Variants in SRGAP3 observed in about 807,000 individuals in gnomAD.
SRGAP3 encodes the protein SLIT-ROBO Rho GTPase-activating protein 3.
SRGAP3 carries 39 observed loss-of-function variants against 121.1 expected under a neutral mutation model. That is an observed-to-expected ratio of 0.32 (90% CI 0.25 to 0.42). The LOEUF is 0.42. Ranked by LOEUF, SRGAP3 falls within the 10% of genes least tolerant of loss-of-function variation. SRGAP3 has a pLI of 1.00. For synonymous variants in SRGAP3, 601 were observed against 570.0 expected (o/e 1.05, Z -0.77); for missense variants, 1,213 against 1,470.6 (o/e 0.82, Z 2.86).
chr3:9,027,647 C>T (rs901386396), intron 12 of SRGAP3, among the ~76,000 whole-genome samples: 3 of 152,212 alleles, frequency 2.0e-5, no homozygotes, highest in Non-Finnish European at 4.4e-5. Flanking sequence ...GAAAAAGATG[C>T]AATTCTCAAC....
intron 12 of SRGAP3, among the ~76,000 whole-genome samples, chr3:9,029,780 AGG>A (rs372379819): frequency 2.4e-4 from 37 of 152,336 alleles, no homozygotes; most frequent in African/African-American, 8.7e-4. Context: ...AGCTCATAGT[AGG>A]TGCACAGTAT....
At chr3:9,135,581 C>A (rs1392303165) in intron 1 of SRGAP3, among the ~76,000 whole-genome samples, 3 of 152,230 alleles carry the variant, frequency 2.0e-5, no homozygotes, top group Non-Finnish European at 2.9e-5. Context: ...GCCGGATCTG[C>A]ACTGTGAAGC....
Position 9,324,767 on chromosome 3 carries a change from C to T in SRGAP3, n.442+1243G>A, listed in dbSNP as rs139545610. Among the ~76,000 whole-genome samples, 427 of 151,850 alleles carry T rather than the reference C, an allele frequency of 2.8e-3. 3 individuals are homozygous for T. Among genetic ancestry groups the T allele is most frequent in the African/African-American group, 9.8e-3 (405 of 41,528 alleles). On this transcript the variant is annotated intron_variant and non_coding_transcript_variant, in intron 3 of 3. Coordinates refer to the SRGAP3 transcript ENST00000490889. ...GGTCAGGAGATCGAGACCATCCTGG[C>T]TAACACGGTGAAACTCCGTGTCTAC... is the stretch of plus-strand genomic sequence containing the variant.
intron 2 of SRGAP3, among the ~76,000 whole-genome samples, chr3:9,116,113 A>G (rs1410432746): frequency 6.6e-6 from 1 of 152,136 alleles, no homozygotes; most frequent in Non-Finnish European, 1.5e-5. Context: ...CCGAAATGAC[A>G]CCCTTAAAAT....
chr3:9,188,400 T>C (rs1481506069), intron 1 of SRGAP3, among the ~76,000 whole-genome samples: 1 of 152,210 alleles, frequency 6.6e-6, no homozygotes, highest in Non-Finnish European at 1.5e-5. Flanking sequence ...GTTGTAGACC[T>C]AGAGAGAAGG....
intron 4 of SRGAP3, among the ~76,000 whole-genome samples, chr3:9,075,014 CTAGT>C (rs1946894839): frequency 6.6e-6 from 1 of 152,210 alleles, no homozygotes; most frequent in Admixed American, 6.5e-5. Context: ...TGGACGTTCA[CTAGT>C]TACTGACACA....
chr3:9,053,290 C>T (rs190311975), intron 8 of SRGAP3, 66 bp from the exon 9 acceptor site: 4 of 1,493,460 alleles, frequency 2.7e-6, no homozygotes, highest in Non-Finnish European at 3.7e-6. Context: ...CCTAAAGTCC[C>T]TTTCCCAGCT....
chr3:9,034,256 T>A (rs1421011431), intron 11 of SRGAP3: 2 of 152,238 alleles, frequency 1.3e-5, no homozygotes, highest in Admixed American at 6.5e-5. Flanking sequence ...AGGCAGTTCA[T>A]TTTCAAATGG....
At chr3:9,283,117 T>C (rs1954709768) in intron 3 of SRGAP3, among the ~76,000 whole-genome samples, 1 of 152,040 alleles carries the variant, frequency 6.6e-6, no homozygotes, top group African/African-American at 2.4e-5. Context: ...GTTTTTTCTA[T>C]TGTTGTAGAG....
Position 9,064,712 on chromosome 3 carries a change from C to A in SRGAP3, c.487-131G>T, listed in dbSNP as rs1946341605. 7.1e-6 allele frequency: 7 copies of A among 980,478 alleles called. No homozygotes were observed. In the Admixed American group the frequency reaches 1.6e-4, roughly 23 times the overall value. The allele number at this position is 980,478 out of a possible 1,614,324, so 60.7% of individuals were successfully genotyped here. On this transcript the variant is annotated intron_variant, in intron 4 of 21. Coordinates refer to ENST00000383836, the MANE Select transcript of SRGAP3 (RefSeq NM_014850.4). ...CCCTGGTCCCAAAACACACTCTGGGCACCTGCCTTCCTTTACTTTTGCACA... is the reference window on the plus strand; with the variant it reads ...CCCTGGTCCCAAAACACACTCTGGGAACCTGCCTTCCTTTACTTTTGCACA...
chr3:9,254,178 C>T (rs549734675), upstream of SRGAP3, among the ~76,000 whole-genome samples: 1 of 152,186 alleles, frequency 6.6e-6, no homozygotes, highest in Non-Finnish European at 1.5e-5. Flanking sequence ...TTCACAACAA[C>T]CAAAAGATAG....
At chr3:9,351,301 T>C (rs1018667314) in intron 1 of SRGAP3, among the ~76,000 whole-genome samples, 2 of 152,200 alleles carry the variant, frequency 1.3e-5, no homozygotes, top group African/African-American at 4.8e-5. Context: ...GTGCCAGAAA[T>C]TTTACCTTAT....
chr3:9,117,403 C>T (rs754049026), intron 2 of SRGAP3, among the ~76,000 whole-genome samples: 1 of 152,204 alleles, frequency 6.6e-6, no homozygotes, highest in Non-Finnish European at 1.5e-5. Context: ...TCACAGGAAT[C>T]CTCTCTCCCA....
intron 2 of SRGAP3, among the ~76,000 whole-genome samples, chr3:9,326,879 A>T (rs1036316580): frequency 6.6e-6 from 1 of 151,838 alleles, no homozygotes; most frequent in Non-Finnish European, 1.5e-5. Context: ...TTTCTAAAGG[A>T]AGAAACATTA....
chr3:9,267,612 A>G lies in SRGAP3; in HGVS notation n.442+58398T>C, dbSNP rs1954391431. Among the ~76,000 whole-genome samples, 3 of 152,180 alleles carry G rather than the reference A, an allele frequency of 2.0e-5. No individual in the cohort carries two copies. The South Asian group carries it at 6.2e-4, about 32-fold the overall frequency. ...AGTCCTGTTTTTATCATGAAGGGAC[A>G]ATAAATGCGACCATTGTATTTCCCA... On this transcript the variant is annotated intron_variant and non_coding_transcript_variant, in intron 3 of 3. Transcript: ENST00000490889.
chr3:9,116,182 C>G (rs1427686061), intron 2 of SRGAP3, among the ~76,000 whole-genome samples: 1 of 152,204 alleles, frequency 6.6e-6, no homozygotes, highest in Admixed American at 6.5e-5. Flanking sequence ...CCCAGGCAGC[C>G]CTTTCACTGA....
intron 6 of SRGAP3, 122 bp downstream of exon 6, chr3:9,060,109 A>T: frequency 6.6e-7 from 1 of 1,513,296 alleles, no homozygotes; most frequent in Non-Finnish European, 9.1e-7. Context: ...AGCAGGGCTC[A>T]AAAGAGCTGT....
At position 8,984,362 on chromosome 3, in the gene SRGAP3, T is replaced by A. The variant is rs1471667097; in HGVS notation, c.*1157A>T. On this transcript the variant is annotated 3_prime_UTR_variant, in exon 22 of 22. Coordinates refer to ENST00000383836, the MANE Select transcript of SRGAP3 (RefSeq NM_014850.4). Reference sequence around the variant, plus strand: ...CAGTGCATCACAGCCTGATTTAAAATGAAAACGATGTGACTCAAAGCCTCC... The same window carrying A: ...CAGTGCATCACAGCCTGATTTAAAAAGAAAACGATGTGACTCAAAGCCTCC... 1 of 230,646 alleles carries A rather than the reference T, an allele frequency of 4.3e-6. No homozygotes were observed. The highest frequency in any genetic ancestry group is 8.6e-6 in the Non-Finnish European group (1 of 116,496). The allele number at this position is 230,646 out of a possible 1,614,324, so 14.3% of individuals were successfully genotyped here.
chr3:9,015,560 G>A (rs1943597118), intron 15 of SRGAP3, 37 bp downstream of exon 15: 1 of 1,612,550 alleles, frequency 6.2e-7, no homozygotes, highest in East Asian at 2.2e-5. Context: ...ACAATGATTT[G>A]TCAAAAAACT....
Sources: allele counts gnomAD v4.1 joint callset (sites outside exome capture counted in the v4.1 genomes callset), GRCh38; gene constraint gnomAD v4.1.1; transcripts MANE v1.5; gene names NCBI Gene and HGNC (gene_info 2026-07-23, HGNC 2026-07-21).